The following CDH7 variants were observed in gnomAD, a reference collection of about 807,000 sequenced individuals.
The protein encoded by CDH7 is cadherin 7.
CDH7 carries 25 observed loss-of-function variants against 71.8 expected under a neutral mutation model. The observed-to-expected ratio is 0.35, with a 90% CI of 0.25 to 0.49. The LOEUF is 0.49. CDH7 is among the 20% of genes least tolerant of loss of function. The pLI is 0.99. For synonymous variants in CDH7, 381 were observed against 363.8 expected (o/e 1.05, Z -0.54); for missense variants, 862 against 974.6 (o/e 0.88, Z 1.54).
intron 2 of CDH7, among the ~76,000 whole-genome samples, chr18:65,791,524 A>G (rs534440730): frequency 1.3e-5 from 2 of 152,300 alleles, no homozygotes; most frequent in South Asian, 4.2e-4. Context: ...TTTAATAAGC[A>G]GTAGAGTCAA....
chr18:65,829,775 AGTGTGTGTGTGTGTGTGTGTGTGTGT>A (rs3061822), intron 6 of CDH7, among the ~76,000 whole-genome samples: 1 of 138,122 alleles, frequency 7.2e-6, no homozygotes, highest in African/African-American at 2.7e-5. Context: ...CAAGGAAGGG[AGTGTGTGTGTGTGTGTGTGTGTGTGT>A]GTGTGTGTGT....
intron 2 of CDH7, among the ~76,000 whole-genome samples, chr18:65,794,181 C>A (rs201376424): frequency 2.3e-5 from 3 of 132,762 alleles, no homozygotes; most frequent in African/African-American, 9.1e-5. Flanking sequence ...GTTTTTTTTT[C>A]TTTTGTGGTA....
chr18:65,819,784 A>G (rs183979983), intron 4 of CDH7, among the ~76,000 whole-genome samples: 1 of 151,720 alleles, frequency 6.6e-6, no homozygotes, highest in East Asian at 2.0e-4. Context: ...AAAAAAGTTT[A>G]TTTAGTTTTA....
intron 7 of CDH7, among the ~76,000 whole-genome samples, chr18:65,854,951 A>C (rs1913299138): frequency 6.6e-6 from 1 of 151,574 alleles, no homozygotes; most frequent in Admixed American, 6.6e-5. Flanking sequence ...ATATATATAC[A>C]CACACACACA....
At chr18:65,835,081 G>GGCTC (rs1912487476) in intron 6 of CDH7, among the ~76,000 whole-genome samples, 1 of 152,152 alleles carries the variant, frequency 6.6e-6, no homozygotes, top group African/African-American at 2.4e-5. Flanking sequence ...GTGGCTGGCT[G>GGCTC]TCTGCCTGGA....
chr18:65,797,079 T>TC (rs1217450142), intron 2 of CDH7, among the ~76,000 whole-genome samples: 1 of 152,110 alleles, frequency 6.6e-6, no homozygotes, highest in African/African-American at 2.4e-5. Context: ...TGGTCCACTC[T>TC]CTCCAGGTGG....
intron 2 of CDH7, among the ~76,000 whole-genome samples, chr18:65,776,831 A>C (rs2143818952): frequency 6.6e-6 from 1 of 152,318 alleles, no homozygotes; most frequent in Admixed American, 6.5e-5. Context: ...TTAAGTATTC[A>C]AAATTAATAG....
intron 7 of CDH7, among the ~76,000 whole-genome samples, chr18:65,844,438 C>T (rs1031238537): frequency 5.3e-5 from 8 of 151,614 alleles, no homozygotes; most frequent in African/African-American, 1.9e-4. Flanking sequence ...ATAATTGTAT[C>T]AACAATTCAA....
At chr18:65,792,149 A>G (rs1910733424) in intron 2 of CDH7, among the ~76,000 whole-genome samples, 1 of 139,004 alleles carries the variant, frequency 7.2e-6, no homozygotes, top group Admixed American at 7.4e-5. Context: ...TTCTAGCTAT[A>G]CTCCATGGAG....
intron 5 of CDH7, among the ~76,000 whole-genome samples, chr18:65,823,903 T>TA (rs1912030513): frequency 6.6e-6 from 1 of 151,890 alleles, no homozygotes; most frequent in African/African-American, 2.4e-5. Flanking sequence ...CGGTGTTTCG[T>TA]CATTTCTGAG....
rs569072247 is a variant in CDH7 at position 65,774,405 on chromosome 18, A to T, written c.210+11353A>T. On this transcript the variant is annotated intron_variant, in intron 2 of 11. Coordinates refer to ENST00000397968, the MANE Select transcript of CDH7 (RefSeq NM_004361.5). ...TGAGAAACCCAATATCTCTTCTTTC[A>T]TAGCAAATTCCATTATTTGCTTTTG... Among the ~76,000 whole-genome samples the T allele has an allele frequency of 4.6e-5, 7 of 152,228 alleles. No individual in the cohort carries two copies. The East Asian group carries it at 1.3e-3, about 29-fold the overall frequency.
At chr18:65,879,496 A>C (rs931190257) in intron 11 of CDH7, among the ~76,000 whole-genome samples, 3 of 152,202 alleles carry the variant, frequency 2.0e-5, no homozygotes, top group African/African-American at 7.2e-5. Context: ...ATTGTAGTTT[A>C]GTTGAAGTTG....
chr18:65,812,271 C>T (rs2143912870), intron 3 of CDH7, among the ~76,000 whole-genome samples: 1 of 152,018 alleles, frequency 6.6e-6, no homozygotes, highest in Non-Finnish European at 1.5e-5. Flanking sequence ...TATCACAGTG[C>T]TTCAATAATT....
chr18:65,782,655 T>C (rs1367356049), intron 2 of CDH7, among the ~76,000 whole-genome samples: 1 of 152,248 alleles, frequency 6.6e-6, no homozygotes, highest in Non-Finnish European at 1.5e-5. Flanking sequence ...ATTAGATTCT[T>C]GTGAGACTAT....
At chr18:65,849,390 T>C (rs2144006648) in intron 7 of CDH7, among the ~76,000 whole-genome samples, 1 of 134,588 alleles carries the variant, frequency 7.4e-6, no homozygotes, top group Non-Finnish European at 1.5e-5. Context: ...TTTTCTTTTC[T>C]TTTCTTTTCT....
At chr18:65,840,209 G>C (rs1447105898) in intron 6 of CDH7, among the ~76,000 whole-genome samples, 2 of 152,004 alleles carry the variant, frequency 1.3e-5, no homozygotes, top group Non-Finnish European at 2.9e-5. Context: ...TAAATTTAAA[G>C]ACTATTTTTG....
chr18:65,780,245 T>G (rs1169490384), intron 2 of CDH7, among the ~76,000 whole-genome samples: 1 of 118,696 alleles, frequency 8.4e-6, no homozygotes, highest in African/African-American at 3.7e-5. Context: ...TTTCTCCCAT[T>G]CTGTAGGTTG....
At chr18:65,770,946 C>A (rs752132848) in intron 2 of CDH7, among the ~76,000 whole-genome samples, 11 of 152,246 alleles carry the variant, frequency 7.2e-5, no homozygotes, top group Non-Finnish European at 1.5e-4. Context: ...TCTTTCTCAT[C>A]GTTCTGGCTG....
At position 65,890,113 on chromosome 18, in the gene CDH7, C is replaced by T. The variant is rs1271407401; in HGVS notation, c.*9219C>T. The T allele has an allele frequency of 6.6e-6, 1 of 152,088 alleles. No individual in the cohort carries two copies. Among genetic ancestry groups the T allele is most frequent in the East Asian group, 1.9e-4 (1 of 5,186 alleles). 9.4% of individuals were successfully genotyped at this position (152,088 alleles called of 1,614,324 possible). On this transcript the variant is annotated 3_prime_UTR_variant, in exon 12 of 12. Coordinates refer to ENST00000397968, the MANE Select transcript of CDH7 (RefSeq NM_004361.5). ...CCATTTTTTAATGGTAGCTTAACTTCACCTGAAGCCTCCTATGCCACTATC... is the reference window on the plus strand; with the variant it reads ...CCATTTTTTAATGGTAGCTTAACTTTACCTGAAGCCTCCTATGCCACTATC...
Sources: gnomAD v4.1 joint callset for allele counts (sites outside exome capture counted in the v4.1 genomes callset) on GRCh38, gnomAD v4.1.1 for gene constraint, MANE v1.5 for transcripts, NCBI Gene and HGNC (gene_info 2026-07-23, HGNC 2026-07-21) for gene names.